Variants in TSPAN16 observed in about 807,000 individuals in gnomAD.
TSPAN16 encodes the protein tetraspanin 16, also known as tetraspanin-16.
A neutral mutation model predicts 25.2 loss-of-function variants in TSPAN16; 23 were observed. The ratio of observed to expected loss-of-function variants is 0.91; its 90% CI spans 0.66 to 1.29. The LOEUF (loss-of-function observed/expected upper bound fraction) is 1.29, where lower values mean the gene tolerates loss of function less well. Among genes scored for constraint, TSPAN16 ranks in the 50% most tolerant of loss-of-function variants. TSPAN16 has a pLI of 0.00. For missense variants in TSPAN16, 272 were observed against 299.9 expected (o/e 0.91, Z 0.69); for synonymous variants, 123 against 124.4 (o/e 0.99, Z 0.08).
intron 6 of TSPAN16, chr19:11,324,713 C>G (rs1220789765): frequency 1.3e-5 from 2 of 152,650 alleles, no homozygotes; most frequent in African/African-American, 4.8e-5. Context: ...TGATGTGGAT[C>G]TTGGGGGAAG....
intron 6 of TSPAN16, among the ~76,000 whole-genome samples, chr19:11,315,549 T>C (rs935702130): frequency 1.4e-5 from 2 of 147,634 alleles, no homozygotes; most frequent in Non-Finnish European, 3.0e-5. Flanking sequence ...GAGGGAGACT[T>C]CATCTCAAAA....
intron 6 of TSPAN16, among the ~76,000 whole-genome samples, chr19:11,313,191 A>G (rs1057103685): frequency 6.6e-6 from 1 of 152,156 alleles, no homozygotes; most frequent in African/African-American, 2.4e-5. Flanking sequence ...CTATGACACC[A>G]ATACAAGATA....
At chr19:11,306,163 G>T (rs776455235) in intron 4 of TSPAN16, among the ~76,000 whole-genome samples, 1 of 152,154 alleles carries the variant, frequency 6.6e-6, no homozygotes, top group Non-Finnish European at 1.5e-5. Flanking sequence ...AGCTACTCGG[G>T]AGACTGAGGC....
downstream of TSPAN16, among the ~76,000 whole-genome samples, chr19:11,317,517 G>A (rs1255446116): frequency 2.0e-5 from 3 of 151,442 alleles, no homozygotes; most frequent in African/African-American, 4.9e-5. Context: ...TTTTTGAGAC[G>A]GAGTTTCGCT....
At chr19:11,307,500 C>T (rs2080642636) in intron 5 of TSPAN16, among the ~76,000 whole-genome samples, 1 of 151,620 alleles carries the variant, frequency 6.6e-6, no homozygotes, top group Admixed American at 6.6e-5. Flanking sequence ...CTCACTGCAG[C>T]CTCAAACTCC....
intron 6 of TSPAN16, among the ~76,000 whole-genome samples, chr19:11,313,545 A>G (rs1253746125): frequency 6.6e-6 from 1 of 150,656 alleles, no homozygotes; most frequent in Non-Finnish European, 1.5e-5. Context: ...AAAAAAAATT[A>G]TATCTTAATA....
chr19:11,301,828 A>T (rs1162599936), intron 4 of TSPAN16, among the ~76,000 whole-genome samples: 17 of 144,966 alleles, frequency 1.2e-4, no homozygotes, highest in South Asian at 2.2e-4. Flanking sequence ...ATCGTTTAAC[A>T]TTTTTTTTTT....
chr19:11,301,335 TGTG>T, intron 4 of TSPAN16, 27 bp downstream of exon 4: 1 of 1,557,578 alleles, frequency 6.4e-7, no homozygotes, highest in Non-Finnish European at 8.9e-7. Flanking sequence ...AAAAAAAAAT[TGTG>T]GTGTAAAGGT....
intron 6 of TSPAN16, among the ~76,000 whole-genome samples, chr19:11,326,219 T>TTA (rs753487290): frequency 7.0e-6 from 1 of 142,018 alleles, no homozygotes; most frequent in African/African-American, 2.6e-5. Context: ...GAGATTCTAT[T>TTA]AAAAAAAAAA....
intron 6 of TSPAN16, chr19:11,324,097 C>T (rs2080797121): frequency 6.6e-6 from 1 of 152,162 alleles, no homozygotes. Context: ...AGGCTGTCTA[C>T]AAAGTACAAG....
chr19:11,325,365 G>T, intron 6 of TSPAN16: 1 of 1,415,382 alleles, frequency 7.1e-7, no homozygotes, highest in Non-Finnish European at 9.6e-7. Context: ...TGCCGAGGCA[G>T]GAGAGGGGTG....
chr19:11,307,488 G>A (rs954998987), intron 5 of TSPAN16, among the ~76,000 whole-genome samples: 4 of 150,072 alleles, frequency 2.7e-5, no homozygotes, highest in African/African-American at 4.9e-5. Context: ...GTGCAATCAC[G>A]GCTCACTGCA....
At chr19:11,298,031 C>G in intron 1 of TSPAN16, 111 bp from the exon 2 acceptor site, 1 of 1,147,514 alleles carries the variant, frequency 8.7e-7, no homozygotes, top group Non-Finnish European at 1.3e-6. Flanking sequence ...AAGTCTTGGC[C>G]TTGGCCTCCC....
chr19:11,302,962 G>A (rs558684692), intron 4 of TSPAN16, among the ~76,000 whole-genome samples: 16 of 148,374 alleles, frequency 1.1e-4, no homozygotes, highest in African/African-American at 1.8e-4. Context: ...GGCCTCAGCC[G>A]CCCCGTCCGG....
chr19:11,318,090 G>A (rs954071928), downstream of TSPAN16, among the ~76,000 whole-genome samples: 26 of 151,792 alleles, frequency 1.7e-4, no homozygotes, highest in Admixed American at 1.4e-3. Flanking sequence ...GCAGTGGCGC[G>A]ATCTCGGCTC....
At chr19:11,326,926 G>A (rs2147966469) in exon 7 of TSPAN16, 1 of 518,728 alleles carries the variant, frequency 1.9e-6, no homozygotes, top group Non-Finnish European at 3.4e-6. Context: ...ATCCTTTTAA[G>A]GTTCCTGAGG....
chr19:11,301,344 A>G, intron 4 of TSPAN16, 36 bp downstream of exon 4: 1 of 1,544,254 alleles, frequency 6.5e-7, no homozygotes, highest in Non-Finnish European at 8.9e-7. Flanking sequence ...TTGTGGTGTA[A>G]AGGTACACAA....
downstream of TSPAN16, among the ~76,000 whole-genome samples, chr19:11,317,173 C>T (rs1352186645): frequency 6.6e-6 from 1 of 152,152 alleles, no homozygotes; most frequent in Non-Finnish European, 1.5e-5. Flanking sequence ...AATGTCATTT[C>T]TTCCCTTTAT....
In TSPAN16 at chr19:11,302,669, A is replaced by ATATG. The variant is rs1373981570; in HGVS notation, c.450+1364_450+1365insGTAT. 3.2e-3 allele frequency among the ~76,000 whole-genome samples: 403 copies of ATATG among 127,092 alleles called. 3 individuals are homozygous for ATATG. Among genetic ancestry groups the ATATG allele is most frequent in the African/African-American group, 0.016 (384 of 24,284 alleles). 83.4% of individuals were successfully genotyped at this position (127,092 alleles called of 152,430 possible). Reference sequence around the variant, plus strand: ...TATATATATACACATACATATATATATATATATATACACACACACACACAC... The same window carrying ATATG: ...TATATATATACACATACATATATATATATGTATATATATACACACACACACACAC... On this transcript the variant is annotated intron_variant, in intron 4 of 6. Transcript: ENST00000590327.
Sources: allele counts gnomAD v4.1 joint callset (sites outside exome capture counted in the v4.1 genomes callset), GRCh38; gene constraint gnomAD v4.1.1; transcripts MANE v1.5; gene names NCBI Gene and HGNC (gene_info 2026-07-23, HGNC 2026-07-21).